The following LPP variants were observed in gnomAD, a reference collection of about 807,000 sequenced individuals.
The protein encoded by LPP is LIM domain containing preferred translocation partner in lipoma, also known as lipoma-preferred partner.
LPP carries 38 observed loss-of-function variants against 60.4 expected under a neutral mutation model. The ratio of observed to expected loss-of-function variants is 0.63; its 90% CI spans 0.49 to 0.83. The LOEUF (loss-of-function observed/expected upper bound fraction) is 0.83. Among genes scored for constraint, LPP ranks in the 40% least tolerant of loss-of-function variants. LPP has a pLI of 0.00. For missense variants in LPP, 902 were observed against 783.6 expected (o/e 1.15, Z -1.80); for synonymous variants, 328 against 290.8 (o/e 1.13, Z -1.30).
intron 8 of LPP, 131 bp downstream of exon 8, chr3:188,708,524 C>A: frequency 8.5e-7 from 1 of 1,174,496 alleles, no homozygotes; most frequent in Non-Finnish European, 1.3e-6. Context: ...ATATACATCC[C>A]CGCACAACTA....
At chr3:188,697,728 A>G (rs1396828078) in intron 7 of LPP, among the ~76,000 whole-genome samples, 1 of 152,234 alleles carries the variant, frequency 6.6e-6, no homozygotes, top group Non-Finnish European at 1.5e-5. Flanking sequence ...ATTAATCATA[A>G]TATCACAATC....
intron 3 of LPP, among the ~76,000 whole-genome samples, chr3:188,393,734 C>T (rs991370660): frequency 2.0e-5 from 3 of 152,126 alleles, no homozygotes; most frequent in Admixed American, 2.0e-4. Flanking sequence ...TTAAGTTTAC[C>T]TTCTCTTTTA....
chr3:188,765,545 G>A (rs1733758165), intron 9 of LPP, among the ~76,000 whole-genome samples: 1 of 152,050 alleles, frequency 6.6e-6, no homozygotes, highest in Non-Finnish European at 1.5e-5. Context: ...ATACCTAGTA[G>A]AGCCTTGTGA....
chr3:188,527,345 T>G (rs1228872119), intron 6 of LPP, among the ~76,000 whole-genome samples: 2 of 63,570 alleles, frequency 3.1e-5, no homozygotes, highest in African/African-American at 1.3e-4. Flanking sequence ...GGAGACTCCA[T>G]CTGAAAAAAA....
intron 8 of LPP, among the ~76,000 whole-genome samples, chr3:188,742,756 A>G (rs62291298): frequency 0.22 from 33,123 of 152,136 alleles, 4,198 homozygotes; most frequent in Middle Eastern, 0.43. Flanking sequence ...ACAAAGTCTT[A>G]TAAATGTATT....
intron 2 of LPP, among the ~76,000 whole-genome samples, chr3:188,317,878 G>A (rs750346300): frequency 7.0e-4 from 107 of 152,198 alleles, no homozygotes; most frequent in Admixed American, 2.3e-3. Context: ...AGAGGTGGGA[G>A]AAGAATAGGA....
chr3:188,831,449 C>G (rs1413446551), intron 9 of LPP, among the ~76,000 whole-genome samples: 1 of 152,138 alleles, frequency 6.6e-6, no homozygotes, highest in Non-Finnish European at 1.5e-5. Flanking sequence ...AGGTCTCAGC[C>G]CAGTCCCACT....
intron 4 of LPP, among the ~76,000 whole-genome samples, chr3:188,433,023 C>G (rs1359233107): frequency 1.3e-5 from 2 of 152,124 alleles, no homozygotes; most frequent in Non-Finnish European, 1.5e-5. Context: ...GAAAAACGAG[C>G]AGGGGCTGGA....
chr3:188,696,341 C>T (rs567906206), intron 7 of LPP, among the ~76,000 whole-genome samples: 1 of 152,180 alleles, frequency 6.6e-6, no homozygotes, highest in African/African-American at 2.4e-5. Context: ...TTGGTGTAGG[C>T]TGGACCATCT....
intron 7 of LPP, among the ~76,000 whole-genome samples, chr3:188,695,676 G>C (rs17670865): frequency 0.18 from 26,721 of 152,174 alleles, 2,945 homozygotes; most frequent in Middle Eastern, 0.37. Flanking sequence ...TACAAAACTG[G>C]AGGTATAATT....
chr3:188,888,175 TTACTC>T lies in LPP; in HGVS notation c.*13699_*13703del, dbSNP rs1277915828. 4.6e-6 allele frequency: 1 copy of T among 218,442 alleles called. No homozygotes were observed. The highest frequency in any genetic ancestry group is 2.2e-5 in the African/African-American group (1 of 44,558). 13.5% of individuals were successfully genotyped at this position (218,442 alleles called of 1,614,324 possible). Reference sequence around the variant, plus strand: ...TGTCTTTTAACCTACACCTTTATCATTACTCTAACAGATTTAGGGCTTCTCTTTCT... The same window carrying T: ...TGTCTTTTAACCTACACCTTTATCATTAACAGATTTAGGGCTTCTCTTTCT... On this transcript the variant is annotated 3_prime_UTR_variant, in exon 12 of 12. Coordinates refer to ENST00000617246, the MANE Select transcript of LPP (RefSeq NM_001375462.1).
intron 2 of LPP, among the ~76,000 whole-genome samples, chr3:188,227,041 G>T (rs892687412): frequency 2.0e-5 from 3 of 152,148 alleles, no homozygotes; most frequent in Non-Finnish European, 4.4e-5. Flanking sequence ...AGTTTTTTCA[G>T]TGTTTATAAT....
chr3:188,363,047 T>A (rs1235759107), intron 3 of LPP, among the ~76,000 whole-genome samples: 4 of 151,812 alleles, frequency 2.6e-5, no homozygotes, highest in Non-Finnish European at 5.9e-5. Context: ...TTTTTTTTTT[T>A]TACAACTGAT....
chr3:188,581,370 A>G (rs2150983212), intron 6 of LPP, among the ~76,000 whole-genome samples: 1 of 152,282 alleles, frequency 6.6e-6, no homozygotes, highest in African/African-American at 2.4e-5. Context: ...TGCCCTGGAA[A>G]CAGAACCACA....
intron 7 of LPP, among the ~76,000 whole-genome samples, chr3:188,626,337 G>T (rs897831035): frequency 6.6e-6 from 1 of 152,118 alleles, no homozygotes. Flanking sequence ...ATCTAGAGAT[G>T]ATTTAAACTA....
chr3:188,260,949 C>G (rs1733401910), intron 2 of LPP, among the ~76,000 whole-genome samples: 5 of 151,964 alleles, frequency 3.3e-5, no homozygotes, highest in Admixed American at 3.3e-4. Flanking sequence ...TCAGGAGAAT[C>G]CCGTAGTCCC....
At chr3:188,848,054 C>T (rs757021452) in intron 9 of LPP, among the ~76,000 whole-genome samples, 3 of 152,126 alleles carry the variant, frequency 2.0e-5, no homozygotes, top group Admixed American at 1.3e-4. Context: ...CTCATCCTTG[C>T]CTTGAGTTTT....
At position 188,801,931 on chromosome 3, in the gene LPP, C is replaced by T. The variant is rs574431864; in HGVS notation, c.1410+41649C>T. On this transcript the variant is annotated intron_variant, in intron 9 of 11. Coordinates refer to ENST00000617246, the MANE Select transcript of LPP (RefSeq NM_001375462.1). The stretch of plus-strand genomic sequence containing the variant: ...TTAAAAGTAGGATTGCTAGTTTGAA[C>T]GGTAACTGCAGGAATTCAATGTGTT... Among the ~76,000 whole-genome samples, 59 of 152,250 alleles carry T rather than the reference C, an allele frequency of 3.9e-4. 1 individual carries two copies. In the South Asian group the frequency reaches 0.012, roughly 31 times the overall value.
At chr3:188,306,651 T>C (rs902016632) in intron 2 of LPP, among the ~76,000 whole-genome samples, 3 of 152,098 alleles carry the variant, frequency 2.0e-5, no homozygotes, top group African/African-American at 7.2e-5. Flanking sequence ...GCTCTGGGCA[T>C]GTGTTTGGGG....
Sources: gnomAD v4.1 joint callset for allele counts (sites outside exome capture counted in the v4.1 genomes callset) on GRCh38, gnomAD v4.1.1 for gene constraint, MANE v1.5 for transcripts, NCBI Gene and HGNC (gene_info 2026-07-23, HGNC 2026-07-21) for gene names.